Variants in SHQ1 observed in about 807,000 individuals in gnomAD.
SHQ1 encodes the protein protein SHQ1 homolog.
Under a neutral mutation model 53.8 loss-of-function variants are expected in SHQ1, and 49 were observed. The ratio of observed to expected loss-of-function variants is 0.91; its 90% CI spans 0.72 to 1.16. The LOEUF (loss-of-function observed/expected upper bound fraction) is 1.16, where lower values mean the gene tolerates loss of function less well. Among genes scored for constraint, SHQ1 ranks in the 50% most tolerant of loss-of-function variants. SHQ1 has a pLI of 0.00. For missense variants in SHQ1, 738 were observed against 683.1 expected, an observed-to-expected ratio of 1.08 and a Z score of -0.90; for synonymous variants, 243 against 251.0, an observed-to-expected ratio of 0.97 and a Z score of 0.30.
chr3:72,753,386 T>C (rs1289335082), intron 10 of SHQ1: 8 of 985,272 alleles, frequency 8.1e-6, no homozygotes. Context: ...ACAAAGATGG[T>C]ATTTTAATCT....
chr3:72,744,993 T>C (rs989940242), downstream of SHQ1, among the ~76,000 whole-genome samples: 8 of 152,086 alleles, frequency 5.3e-5, no homozygotes, highest in African/African-American at 1.9e-4. Context: ...CTGATGTATA[T>C]TTATAATTTT....
At chr3:72,795,100 AC>A (rs1219360194) in intron 9 of SHQ1, 1 of 152,150 alleles carries the variant, frequency 6.6e-6, no homozygotes, top group Non-Finnish European at 1.5e-5. Context: ...ACTGACTTTA[AC>A]CCCTAAGTAG....
At position 72,750,202 on chromosome 3, in the gene SHQ1, A is replaced by G. The variant is rs1462240189; in HGVS notation, c.*82T>C. ...CTGACTATATACTAAGAAAAATTAC[A>G]AAGTGAAAATGAAGAATTCTCATTC... On this transcript the variant is annotated 3_prime_UTR_variant, in exon 11 of 11. Transcript: ENST00000325599. 31 of 1,234,214 alleles carry G rather than the reference A, an allele frequency of 2.5e-5. No individual in the cohort carries two copies. Among genetic ancestry groups the G allele is most frequent in the Non-Finnish European group, 3.3e-5 (29 of 879,158 alleles). 76.5% of individuals were successfully genotyped at this position (1,234,214 alleles called of 1,614,324 possible).
At position 72,749,777 on chromosome 3, in the gene SHQ1, T is replaced by C. The variant is rs1705326109; in HGVS notation, c.*507A>G. 4 of 220,390 alleles carry C rather than the reference T, an allele frequency of 1.8e-5. No individual in the cohort carries two copies. The East Asian group carries it at 2.7e-4, about 15-fold the overall frequency. 13.7% of individuals were successfully genotyped at this position (220,390 alleles called of 1,614,324 possible). On this transcript the variant is annotated 3_prime_UTR_variant, in exon 11 of 11. Coordinates refer to ENST00000325599, the MANE Select transcript of SHQ1 (RefSeq NM_018130.3). ...TAGCTACACTTTGGTAAAAATACTT[T>C]TGAACTTTATCTTCACAGTCGCGGC...
At chr3:72,772,942 T>C (rs1248951768) in intron 10 of SHQ1, 1 of 913,164 alleles carries the variant, frequency 1.1e-6, no homozygotes, top group African/African-American at 1.6e-5. Flanking sequence ...GCATGAAGAA[T>C]CGGAAGAAAA....
Position 72,750,317 on chromosome 3 carries a change from C to G in SHQ1, c.1701G>C (p.Gln567His), listed in dbSNP as rs751889946. The G allele has an allele frequency of 6.2e-7, 1 of 1,613,498 alleles. No individual in the cohort carries two copies. Among genetic ancestry groups the G allele is most frequent in the Non-Finnish European group, 8.5e-7 (1 of 1,179,870 alleles). ...TTGGTGTCTGACAGCCGTCTCTCTC[C>G]TGAATATTGCTGCGGTTTACAGCAG... ...GTTAVNRSNI[Q>H]ERDGCQTPNN is the part of the protein sequence containing the mutation. The change falls in exon 11 of 11, where the codon CAG becomes CAC. Residue 567 changes from glutamine to histidine, a missense_variant. Coordinates refer to ENST00000325599, the MANE Select transcript of SHQ1 (RefSeq NM_018130.3).
At chr3:72,817,187 A>G in intron 7 of SHQ1, 43 bp downstream of exon 7, 1 of 1,581,026 alleles carries the variant, frequency 6.3e-7, no homozygotes, top group South Asian at 1.2e-5. Context: ...CAGTTTACTC[A>G]GCACAGTCAT....
At chr3:72,838,371 A>T (rs910922076) in intron 4 of SHQ1, among the ~76,000 whole-genome samples, 4 of 152,250 alleles carry the variant, frequency 2.6e-5, no homozygotes, top group African/African-American at 9.6e-5. Context: ...ACATTAGGGA[A>T]TATTCATTCA....
downstream of SHQ1, among the ~76,000 whole-genome samples, chr3:72,747,478 T>C (rs745847417): frequency 2.0e-5 from 3 of 152,034 alleles, no homozygotes; most frequent in Non-Finnish European, 4.4e-5. Context: ...GAAAACAAGG[T>C]GAGATCTACT....
chr3:72,735,351 T>C, the SHQ1 span, among the ~76,000 whole-genome samples: 1 of 147,630 alleles, frequency 6.8e-6, no homozygotes, highest in Non-Finnish European at 1.5e-5. Flanking sequence ...CCAGCCATCC[T>C]AGCTCGAGGC....
chr3:72,818,832 G>A (rs1008730386), intron 6 of SHQ1, among the ~76,000 whole-genome samples: 2 of 152,168 alleles, frequency 1.3e-5, no homozygotes, highest in Non-Finnish European at 2.9e-5. Flanking sequence ...GCAGGGACCT[G>A]TAGAGGCCTC....
rs1488211061 is a variant in SHQ1 at position 72,848,332 on chromosome 3, G to A, written c.9C>T (p.Thr3=). 5 of 1,613,846 alleles carry A rather than the reference G, an allele frequency of 3.1e-6. No individual in the cohort carries two copies. Among genetic ancestry groups the A allele is most frequent in the Non-Finnish European group, 3.4e-6 (4 of 1,179,946 alleles). Residue 3 remains threonine (T), a synonymous_variant, in exon 1 of 11, where the codon ACC becomes ACT. Transcript: ENST00000325599. ...GATCCTGGCTGAGGTCGAACGCCGG[G>A]GTCAGCATCGCCGCACCGGACGCAA... The part of the protein sequence containing the change: ML[T]PAFDLSQDPD...
chr3:72,814,152 T>C (rs568445126), intron 8 of SHQ1, among the ~76,000 whole-genome samples: 1 of 152,342 alleles, frequency 6.6e-6, no homozygotes, highest in Admixed American at 6.5e-5. Context: ...GTATTTGACA[T>C]AATTTAAAGA....
At chr3:72,790,524 A>G (rs1386141479) in intron 10 of SHQ1, among the ~76,000 whole-genome samples, 1 of 152,194 alleles carries the variant, frequency 6.6e-6, no homozygotes, top group Non-Finnish European at 1.5e-5. Context: ...CTGATAAACT[A>G]TATGTAGAAG....
At chr3:72,842,152 C>T (rs189432977) in intron 3 of SHQ1, 128 bp downstream of exon 3, 4 of 986,882 alleles carry the variant, frequency 4.1e-6, no homozygotes, top group Non-Finnish European at 5.7e-6. Context: ...TATGGTTTCA[C>T]ATGATCACCT....
chr3:72,822,212 C>T (rs1451353021), intron 6 of SHQ1, among the ~76,000 whole-genome samples: 1 of 152,174 alleles, frequency 6.6e-6, no homozygotes, highest in Non-Finnish European at 1.5e-5. Context: ...TTAGAAGAGA[C>T]ACGCTGTTCG....
At chr3:72,832,831 T>G (rs1473850121) in intron 4 of SHQ1, among the ~76,000 whole-genome samples, 4 of 152,124 alleles carry the variant, frequency 2.6e-5, no homozygotes, top group African/African-American at 9.7e-5. Flanking sequence ...ACCTAGAGAT[T>G]TGAAAGTTAT....
At position 72,832,445 on chromosome 3, in the gene SHQ1, C is replaced by A. The variant is rs143636968; in HGVS notation, c.523G>T (p.Asp175Tyr). 1,047 of 1,613,010 alleles carry A rather than the reference C, an allele frequency of 6.5e-4. 1 individual carries two copies. Among genetic ancestry groups the A allele is most frequent in the Non-Finnish European group, 8.1e-4 (960 of 1,179,934 alleles). Residue 175 changes from aspartate to tyrosine, a missense_variant, in exon 5 of 11, where the codon GAT becomes TAT. Asp to Tyr is a radical substitution (Grantham distance 160). Transcript: ENST00000325599. ...LSDVIDIKDP[D>Y]FTPAAERRQK... ...CTTCGTTCAGCTGCAGGGGTGAAAT[C>A]TGGATCCTTAATATCAATAACATCA...
chr3:72,765,068 C>T lies in SHQ1; in HGVS notation c.1182-14232G>A, dbSNP rs990190136. On this transcript the variant is annotated intron_variant, in intron 10 of 10. Transcript: ENST00000325599. The stretch of plus-strand genomic sequence containing the variant: ...GCTTTAAGTAAAAAGATGCATGGGG[C>T]CCTACTCTAATGGTTCCATTGCTCA... Among the ~76,000 whole-genome samples the T allele has an allele frequency of 2.6e-5, 4 of 152,156 alleles. No homozygotes were observed. In the East Asian group the frequency reaches 7.7e-4, roughly 29 times the overall value.
Sources: gnomAD v4.1 joint callset for allele counts (sites outside exome capture counted in the v4.1 genomes callset) on GRCh38, gnomAD v4.1.1 for gene constraint, MANE v1.5 for transcripts, NCBI Gene and HGNC (gene_info 2026-07-23, HGNC 2026-07-21) for gene names.